Variants in R3HDM2 observed in about 807,000 individuals in gnomAD.
R3HDM2 encodes the protein R3H domain-containing protein 2.
A neutral mutation model predicts 124.5 loss-of-function variants in R3HDM2; 38 were observed. That is an observed-to-expected ratio of 0.31 (90% confidence interval 0.24 to 0.40). R3HDM2 has a LOEUF of 0.40. Among genes scored for constraint, R3HDM2 ranks in the 10% least tolerant of loss-of-function variants. R3HDM2 has a pLI of 1.00. For synonymous variants in R3HDM2, 391 were observed against 448.0 expected (o/e 0.87, Z 1.61); for missense variants, 869 against 1,236.9 (o/e 0.70, Z 4.46).
chr12:57,255,957 C>A (rs780320957), intron 23 of R3HDM2, 33 bp downstream of exon 23: 7 of 1,592,146 alleles, frequency 4.4e-6, no homozygotes, highest in Non-Finnish European at 5.1e-6. Flanking sequence ...GGGTGGGCAC[C>A]TTCTCTTGGG....
chr12:57,428,617 T>A (rs1250810391), intron 1 of R3HDM2, among the ~76,000 whole-genome samples: 1 of 151,970 alleles, frequency 6.6e-6, no homozygotes, highest in Non-Finnish European at 1.5e-5. Context: ...ATTGCACCAC[T>A]GCGCTCCACC....
At chr12:57,330,727 C>G (rs2058056163) in intron 2 of R3HDM2, among the ~76,000 whole-genome samples, 1 of 114,250 alleles carries the variant, frequency 8.8e-6, no homozygotes, top group Admixed American at 1.1e-4. Flanking sequence ...GAGACGGAGT[C>G]TCGTTCTGTT....
At chr12:57,257,883 T>C (rs957000422) in intron 21 of R3HDM2, 107 bp downstream of exon 21, 12 of 1,208,220 alleles carry the variant, frequency 9.9e-6, no homozygotes, top group Non-Finnish European at 1.3e-5. Flanking sequence ...CAGAATTGGA[T>C]CATCTACACT....
At chr12:57,304,569 G>A in intron 3 of R3HDM2, 1 of 937,940 alleles carries the variant, frequency 1.1e-6, no homozygotes, top group Non-Finnish European at 1.3e-6. Context: ...GAACTGGGAA[G>A]GTGGATGGAA....
intron 2 of R3HDM2, among the ~76,000 whole-genome samples, chr12:57,366,442 C>T (rs1018840516): frequency 5.3e-5 from 8 of 152,214 alleles, no homozygotes; most frequent in African/African-American, 1.9e-4. Context: ...TCATCTCAGA[C>T]ACTGCAGTTT....
At position 57,255,501 on chromosome 12, in the gene R3HDM2, C is replaced by T. The variant is rs117538256; in HGVS notation, c.2633-388G>A. On this transcript the variant is annotated intron_variant, in intron 23 of 23. Coordinates refer to ENST00000402412, the MANE Select transcript of R3HDM2 (RefSeq NM_001394031.1). ...AATATGTTCCATAGTTCCCTTCCCA[C>T]TCAGAGGCTGGCTCAAATAGATTCT... Among the ~76,000 whole-genome samples, 321 of 152,346 alleles carry T rather than the reference C, an allele frequency of 2.1e-3. 9 individuals carry two copies. In the East Asian group the frequency reaches 0.05, roughly 24 times the overall value.
chr12:57,322,895 T>C, intron 2 of R3HDM2, among the ~76,000 whole-genome samples: 1 of 152,198 alleles, frequency 6.6e-6, no homozygotes, highest in African/African-American at 2.4e-5. Context: ...GGCCTCTGAG[T>C]ACCAGTGGGG....
intron 1 of R3HDM2, among the ~76,000 whole-genome samples, chr12:57,428,174 A>G (rs1868385251): frequency 6.6e-6 from 1 of 151,946 alleles, no homozygotes; most frequent in African/African-American, 2.4e-5. Flanking sequence ...GAGGGGACAG[A>G]CAGGCTATGC....
intron 2 of R3HDM2, among the ~76,000 whole-genome samples, chr12:57,356,212 C>T (rs2061274789): frequency 6.6e-6 from 1 of 152,064 alleles, no homozygotes; most frequent in South Asian, 2.1e-4. Flanking sequence ...TTCATAAATG[C>T]CCTCTATCCA....
At chr12:57,305,268 A>C (rs946389010) in intron 3 of R3HDM2, among the ~76,000 whole-genome samples, 5 of 151,974 alleles carry the variant, frequency 3.3e-5, no homozygotes, top group African/African-American at 1.2e-4. Flanking sequence ...GTATCATTCT[A>C]TAGAAGATCT....
At chr12:57,276,987 T>C (rs535113518) in intron 14 of R3HDM2, among the ~76,000 whole-genome samples, 1 of 151,162 alleles carries the variant, frequency 6.6e-6, no homozygotes, top group East Asian at 1.9e-4. Flanking sequence ...GTGCAGTGTA[T>C]ACTGCTCGGG....
At chr12:57,418,069 C>A (rs2069823371) in intron 1 of R3HDM2, 2 of 736,362 alleles carry the variant, frequency 2.7e-6, no homozygotes, top group Non-Finnish European at 3.3e-6. Flanking sequence ...TCCATTTAGA[C>A]AACTAGCTGC....
At chr12:57,350,377 A>G (rs1177598983) in intron 2 of R3HDM2, among the ~76,000 whole-genome samples, 1 of 152,162 alleles carries the variant, frequency 6.6e-6, no homozygotes, top group Non-Finnish European at 1.5e-5. Context: ...AAATTCCCAT[A>G]AGAAAATTTT....
At chr12:57,307,019 C>CA (rs982993073) in intron 3 of R3HDM2, among the ~76,000 whole-genome samples, 6 of 149,982 alleles carry the variant, frequency 4.0e-5, no homozygotes, top group Non-Finnish European at 5.9e-5. Context: ...CATTTCAAAA[C>CA]AAAAAAAAAG....
intron 14 of R3HDM2, chr12:57,272,424 A>G: frequency 6.6e-7 from 1 of 1,522,620 alleles, no homozygotes; most frequent in East Asian, 2.5e-5. Flanking sequence ...ACACATGAAC[A>G]AGACAAAAAG....
At position 57,285,602 on chromosome 12, in the gene R3HDM2, C is replaced by A. The variant is rs542527153; in HGVS notation, c.939-1546G>T. 4.6e-5 allele frequency among the ~76,000 whole-genome samples: 7 copies of A among 152,298 alleles called. No individual in the cohort carries two copies. The South Asian group carries it at 1.5e-3, about 32-fold the overall frequency. On this transcript the variant is annotated intron_variant, in intron 12 of 23. Coordinates refer to ENST00000402412, the MANE Select transcript of R3HDM2 (RefSeq NM_001394031.1). ...AAGAAAGAAGTATAAGTTAGGTACT[C>A]TCCAGGAACAGAACCAGACCTGAAG...
At position 57,389,822 on chromosome 12, in the gene R3HDM2, A is replaced by C. The variant is rs561203549; in HGVS notation, c.-36+5927T>G. Among the ~76,000 whole-genome samples, 45 of 152,304 alleles carry C rather than the reference A, an allele frequency of 3.0e-4. 1 individual carries two copies. Among genetic ancestry groups the C allele is most frequent in the Admixed American group, 2.3e-3 (35 of 15,290 alleles). ...TATCCAAAAAGAACCCTGAACAAGA[A>C]AGGATATATTATCATGCACAAGCTG... is the stretch of plus-strand genomic sequence containing the variant. On this transcript the variant is annotated intron_variant, in intron 2 of 23. Coordinates refer to ENST00000402412, the MANE Select transcript of R3HDM2 (RefSeq NM_001394031.1).
At chr12:57,398,151 C>T (rs1311078255) in intron 1 of R3HDM2, among the ~76,000 whole-genome samples, 6 of 149,854 alleles carry the variant, frequency 4.0e-5, no homozygotes, top group Non-Finnish European at 8.9e-5. Flanking sequence ...TGTAATGAGC[C>T]GAAATCATGC....
intron 2 of R3HDM2, among the ~76,000 whole-genome samples, chr12:57,354,905 G>A (rs1235723062): frequency 1.3e-5 from 2 of 151,796 alleles, no homozygotes; most frequent in African/African-American, 4.8e-5. Context: ...GCTCACTGCA[G>A]CCTCGACCTC....
Sources: gnomAD v4.1 joint callset for allele counts (sites outside exome capture counted in the v4.1 genomes callset) on GRCh38, gnomAD v4.1.1 for gene constraint, MANE v1.5 for transcripts, NCBI Gene and HGNC (gene_info 2026-07-23, HGNC 2026-07-21) for gene names.